ARHGEF4: variants seen among roughly 807,000 people sequenced by gnomAD.
ARHGEF4 encodes the protein Rho guanine nucleotide exchange factor 4, also known as APC-stimulated guanine nucleotide exchange factor 1.
ARHGEF4 carries 119 observed loss-of-function variants against 162.0 expected under a neutral mutation model. That is an observed-to-expected ratio of 0.73 (90% CI 0.63 to 0.86). ARHGEF4 has a LOEUF of 0.86. ARHGEF4 is among the 40% of genes least tolerant of loss of function. The pLI is 0.00. For synonymous variants in ARHGEF4, 1,014 were observed against 979.9 expected (o/e 1.03, Z -0.65); for missense variants, 2,488 against 2,456.0 (o/e 1.01, Z -0.28).
chr2:131,011,991 A>G (rs546406039), intron 4 of ARHGEF4: 14 of 691,040 alleles, frequency 2.0e-5, no homozygotes, highest in South Asian at 1.8e-4. Context: ...GATGATAAAT[A>G]TGGATGTGAA....
intron 1 of ARHGEF4, among the ~76,000 whole-genome samples, chr2:130,878,420 C>T (rs1379143957): frequency 6.6e-6 from 1 of 152,220 alleles, no homozygotes; most frequent in African/African-American, 2.4e-5. Context: ...CTATTTGTGA[C>T]AGTTTCTGCC....
chr2:130,876,501 C>T (rs1678854550), intron 1 of ARHGEF4, among the ~76,000 whole-genome samples: 1 of 152,206 alleles, frequency 6.6e-6, no homozygotes, highest in Non-Finnish European at 1.5e-5. Context: ...ACGCCATTCT[C>T]CTGCCTCAGC....
chr2:130,891,428 G>A (rs1679857335), intron 1 of ARHGEF4, among the ~76,000 whole-genome samples: 1 of 152,188 alleles, frequency 6.6e-6, no homozygotes, highest in Admixed American at 6.5e-5. Flanking sequence ...CAGATAATAA[G>A]TACCTTAGGC....
Position 131,029,300 on chromosome 2 carries a change from A to G in ARHGEF4, c.4125+1216A>G, listed in dbSNP as rs895543933. On this transcript the variant is annotated intron_variant, in intron 5 of 13. Transcript: ENST00000409359. ...CTTAAACCTGGGAGGCAGAGGTTGC[A>G]GTGAGCCAAGATCGTGCCACTGCAC... 8.5e-5 allele frequency among the ~76,000 whole-genome samples: 13 copies of G among 152,158 alleles called. No individual in the cohort carries two copies. In the East Asian group the frequency reaches 2.5e-3, roughly 30 times the overall value.
rs532804468 is a variant in ARHGEF4 at position 130,957,939 on chromosome 2, G to A, written c.3985+11304G>A. On this transcript the variant is annotated intron_variant, in intron 4 of 13. Coordinates refer to ENST00000409359, the MANE Select transcript of ARHGEF4 (RefSeq NM_001367493.1). ...CAGTCTGTAGTATCCAATTATAGCA[G>A]CCTGAACTAAGGCATTTTACAATGG... 2.4e-4 allele frequency among the ~76,000 whole-genome samples: 37 copies of A among 151,692 alleles called. No homozygotes were observed. In the South Asian group the frequency reaches 7.5e-3, roughly 31 times the overall value.
At chr2:131,040,952 G>T (rs1009950073) in intron 8 of ARHGEF4, among the ~76,000 whole-genome samples, 5 of 152,020 alleles carry the variant, frequency 3.3e-5, no homozygotes, top group Admixed American at 2.0e-4. Context: ...TACCACCGCC[G>T]CTTTTGGCAT....
In ARHGEF4 at chr2:131,040,034, G is replaced by C; in HGVS notation, c.4324G>C (p.Glu1442Gln). The C allele has an allele frequency of 1.9e-6, 3 of 1,566,478 alleles. No individual in the cohort carries two copies. The highest frequency in any genetic ancestry group is 2.6e-6 in the Non-Finnish European group (3 of 1,156,938). ...CCTGCAGCTGAGGGTGAATCAGGAC[G>C]AGCCCGCGGATGACGACGCCCCTCT... The part of the protein sequence containing the change: ...SFVRLRVNQD[E>Q]PADDDAPLAG... The change falls in exon 7 of 14, where the codon GAG becomes CAG. Residue 1442 changes from glutamate to glutamine, a missense_variant. Glu to Gln is a conservative substitution (Grantham distance 29, BLOSUM62 2). This residue lies in a region of ARHGEF4 where 174 missense variants were observed against 148.3 expected (regional missense o/e 1.17). Coordinates refer to ENST00000409359, the MANE Select transcript of ARHGEF4 (RefSeq NM_001367493.1).
chr2:130,865,138 T>C (rs570736465), intron 1 of ARHGEF4, among the ~76,000 whole-genome samples: 77 of 152,300 alleles, frequency 5.1e-4, no homozygotes, highest in African/African-American at 1.7e-3. Flanking sequence ...TTAAAGCATT[T>C]AGGGAGGGTT....
At chr2:130,979,930 A>G (rs1201347437) in intron 4 of ARHGEF4, among the ~76,000 whole-genome samples, 1 of 152,154 alleles carries the variant, frequency 6.6e-6, no homozygotes, top group East Asian at 1.9e-4. Context: ...ATAAGACCTA[A>G]TACTTAACTA....
chr2:130,837,093 T>C, intron 1 of ARHGEF4, 101 bp downstream of exon 1: 1 of 1,108,378 alleles, frequency 9.0e-7, no homozygotes, highest in Non-Finnish European at 1.1e-6. Flanking sequence ...GGCCGTCCCC[T>C]GGGCACCCGG....
chr2:130,887,603 C>T (rs574845387), intron 1 of ARHGEF4, among the ~76,000 whole-genome samples: 2 of 152,062 alleles, frequency 1.3e-5, no homozygotes, highest in East Asian at 3.9e-4. Context: ...TTTCCTTGAT[C>T]AATCTTTTGA....
chr2:130,866,684 A>C (rs570424492), intron 1 of ARHGEF4, among the ~76,000 whole-genome samples: 1 of 152,238 alleles, frequency 6.6e-6, no homozygotes, highest in Admixed American at 6.5e-5. Context: ...GGATTATGTT[A>C]ATTGATTTTT....
At chr2:130,953,958 G>C (rs1162394493) in intron 4 of ARHGEF4, among the ~76,000 whole-genome samples, 1 of 152,214 alleles carries the variant, frequency 6.6e-6, no homozygotes, top group East Asian at 1.9e-4. Flanking sequence ...GTTGGTGGGA[G>C]TGTAAACTAG....
chr2:131,004,454 C>T (rs990884927), intron 4 of ARHGEF4, among the ~76,000 whole-genome samples: 19 of 152,176 alleles, frequency 1.2e-4, no homozygotes, highest in African/African-American at 4.6e-4. Flanking sequence ...CGTGAGCCAC[C>T]GCACCCAGCC....
At chr2:130,936,905 CTTTTTTTTTTTTTT>C (rs36086542) in intron 3 of ARHGEF4, among the ~76,000 whole-genome samples, 1 of 82,342 alleles carries the variant, frequency 1.2e-5, no homozygotes, top group African/African-American at 4.6e-5. Flanking sequence ...TTTCTTTTTT[CTTTTTTTTTTTTTT>C]TTTTTGAGAT....
chr2:130,985,972 A>G (rs1029588046), intron 4 of ARHGEF4, among the ~76,000 whole-genome samples: 3 of 149,230 alleles, frequency 2.0e-5, no homozygotes, highest in African/African-American at 7.5e-5. Flanking sequence ...TGTGCACTGA[A>G]TGCATATGTT....
intron 1 of ARHGEF4, among the ~76,000 whole-genome samples, chr2:130,864,694 A>C (rs553429676): frequency 4.5e-4 from 68 of 152,348 alleles, no homozygotes; most frequent in Admixed American, 3.7e-3. Flanking sequence ...ACTGCACTCC[A>C]ATCTGGGCGA....
chr2:130,916,281 C>A lies in ARHGEF4; in HGVS notation c.2335C>A (p.Arg779Ser). 2 of 1,528,810 alleles carry A rather than the reference C, an allele frequency of 1.3e-6. No homozygotes were observed. Among genetic ancestry groups the A allele is most frequent in the African/African-American group, 1.4e-5 (1 of 70,814 alleles). The allele number at this position is 1,528,810 out of a possible 1,614,324, so 94.7% of individuals were successfully genotyped here. The change falls in exon 2 of 14, where the codon CGC becomes AGC. Residue 779 changes from arginine to serine, a missense_variant. By Grantham distance (110) the Arg-to-Ser change is moderately radical. Transcript: ENST00000409359. ...CGCCTTGGAGCCGCCCCAGCCGCCA[C>A]GCGGGCTCCGCAAGGGCGCGCAGGA... ...VPALEPPQPP[R>S]GLRKGAQEPG...
At chr2:130,928,270 G>A (rs1326302421) in intron 2 of ARHGEF4, among the ~76,000 whole-genome samples, 1 of 152,182 alleles carries the variant, frequency 6.6e-6, no homozygotes, top group Non-Finnish European at 1.5e-5. Flanking sequence ...TCTGAGGTGG[G>A]TCAGTTTCTC....
Sources: allele counts gnomAD v4.1 joint callset (sites outside exome capture counted in the v4.1 genomes callset), GRCh38; gene constraint gnomAD v4.1.1; regional missense constraint gnomAD v4.1.1; transcripts MANE v1.5; gene names NCBI Gene and HGNC (gene_info 2026-07-23, HGNC 2026-07-21).